The following PPP2R1A variants were observed in gnomAD, a reference collection of about 807,000 sequenced individuals.
PPP2R1A encodes protein phosphatase 2 scaffold subunit Aalpha.
PPP2R1A carries 15 observed loss-of-function variants against 67.1 expected under a neutral mutation model. The observed-to-expected ratio is 0.22, with a 90% CI of 0.15 to 0.34. The LOEUF (loss-of-function observed/expected upper bound fraction) is 0.34, where lower values mean the gene tolerates loss of function less well. Ranked by LOEUF, PPP2R1A falls within the 10% of genes least tolerant of loss-of-function variation. The probability of loss-of-function intolerance (pLI) is 1.00; values close to 1 mark genes in which losing one functional copy is unlikely to be tolerated. For synonymous variants in PPP2R1A, 337 were observed against 325.0 expected (o/e 1.04, Z -0.40); for missense variants, 369 against 775.0 (o/e 0.48, Z 6.22).
intron 13 of PPP2R1A, among the ~76,000 whole-genome samples, chr19:52,225,450 GTTTC>G (rs1979196639): frequency 1.3e-5 from 2 of 152,280 alleles, no homozygotes; most frequent in Non-Finnish European, 2.9e-5. Flanking sequence ...AATGTTTACT[GTTTC>G]TTTGTGATGA....
In PPP2R1A at chr19:52,211,385, G is replaced by C; in HGVS notation, c.396G>C (p.Val132=). 1 of 1,614,158 alleles carries C rather than the reference G, an allele frequency of 6.2e-7. No homozygotes were observed. The highest frequency in any genetic ancestry group is 8.5e-7 in the Non-Finnish European group (1 of 1,180,024). ...TGGAGGCGCACTTTGTGCCGCTAGT[G>C]AAGCGGCTGGCGGGCGGCGACTGGT... The part of the protein sequence containing the change: ...SDLEAHFVPL[V]KRLAGGDWFT... Residue 132 remains valine, a synonymous_variant, in exon 4 of 15, where the codon GTG becomes GTC. Coordinates refer to ENST00000322088, the MANE Select transcript of PPP2R1A (RefSeq NM_014225.6). This position sits in a 1 kb window ranked among gnomAD's most constrained non-coding sequence, Gnocchi z 5.3.
intron 3 of PPP2R1A, among the ~76,000 whole-genome samples, chr19:52,208,508 A>C (rs1015349131): frequency 2.9e-5 from 4 of 140,348 alleles, no homozygotes; most frequent in Admixed American, 7.3e-5. Flanking sequence ...TTTTATTTTT[A>C]TTTTTCTTTG....
intron 1 of PPP2R1A, among the ~76,000 whole-genome samples, chr19:52,200,799 C>T (rs963517484): frequency 6.7e-6 from 1 of 148,688 alleles, no homozygotes; most frequent in South Asian, 2.1e-4. Context: ...TCTTCACATG[C>T]GTGCCTTCCC....
At chr19:52,195,800 C>G (rs1193574339) in intron 1 of PPP2R1A, among the ~76,000 whole-genome samples, 1 of 152,126 alleles carries the variant, frequency 6.6e-6, no homozygotes, top group Non-Finnish European at 1.5e-5. Flanking sequence ...GCACCACCCT[C>G]CAGGAACCTC....
At position 52,213,298 on chromosome 19, in the gene PPP2R1A, A is replaced by G. The variant is rs993349493; in HGVS notation, c.807+188A>G. ...TCCTGGTTGATTGACATGGCATCTT[A>G]AAGTGCTGCCTTGAGAAAGATTCTG... On this transcript the variant is annotated intron_variant, in intron 6 of 14. Transcript: ENST00000322088. The surrounding 1 kb of genome is among the most constrained non-coding windows in gnomAD (Gnocchi z 4.2). 6.6e-6 allele frequency among the ~76,000 whole-genome samples: 1 copy of G among 151,948 alleles called. No individual in the cohort carries two copies.
rs542172819 is a variant in PPP2R1A, at chr19:52,218,256, C to T, written c.1129-1435C>T. 1.4e-4 allele frequency among the ~76,000 whole-genome samples: 22 copies of T among 152,218 alleles called. No homozygotes were observed. In the South Asian group the frequency reaches 2.1e-3, roughly 14 times the overall value. On this transcript the variant is annotated intron_variant, in intron 9 of 14. Coordinates refer to ENST00000322088, the MANE Select transcript of PPP2R1A (RefSeq NM_014225.6). ...TCTTTCTTTTTTATACACAGGCGCC[C>T]ACACAGTCTGCTAGAAAGTTGGAGG... is the stretch of plus-strand genomic sequence containing the variant.
intron 12 of PPP2R1A, among the ~76,000 whole-genome samples, chr19:52,221,718 A>G (rs898131325): frequency 2.7e-5 from 4 of 149,424 alleles, no homozygotes; most frequent in Non-Finnish European, 5.9e-5. Context: ...GATTATAATT[A>G]TCTCATGTAC....
At position 52,219,928 on chromosome 19, in the gene PPP2R1A, T is replaced by C; in HGVS notation, c.1302+64T>C. On this transcript the variant is annotated intron_variant, in intron 10 of 14. Coordinates refer to ENST00000322088, the MANE Select transcript of PPP2R1A (RefSeq NM_014225.6). The surrounding 1 kb of genome is among the most constrained non-coding windows in gnomAD (Gnocchi z 4.0). ...AGGGGAGGTGCAGTATGTCCAGGGC[T>C]GTGATGGGGAAACGGGGCTTTGAAG... is the stretch of plus-strand genomic sequence containing the variant. The C allele has an allele frequency of 2.0e-6, 3 of 1,529,780 alleles. No homozygotes were observed. The highest frequency in any genetic ancestry group is 1.8e-6 in the Non-Finnish European group (2 of 1,137,842). The allele number at this position is 1,529,780 out of a possible 1,614,324, so 94.8% of individuals were successfully genotyped here. A position where few individuals can be genotyped will look rare whatever the true frequency, so the allele number is the denominator to read the frequency against.
rs750914911 is a variant in PPP2R1A, at chr19:52,216,680, C to T, written c.1128+17C>T. On this transcript the variant is annotated intron_variant, in intron 9 of 14. Coordinates refer to ENST00000322088, the MANE Select transcript of PPP2R1A (RefSeq NM_014225.6). This position sits in a 1 kb window ranked among gnomAD's most constrained non-coding sequence, Gnocchi z 4.3. ...AAGGATGAGGTAAGGGCACCAGGATCTCAGCTCTGGGTTTGTGGAGGGGAC... is the reference window on the plus strand; with the variant it reads ...AAGGATGAGGTAAGGGCACCAGGATTTCAGCTCTGGGTTTGTGGAGGGGAC... 2 of 1,614,148 alleles carry T rather than the reference C, an allele frequency of 1.2e-6. No individual in the cohort carries two copies. The highest frequency in any genetic ancestry group is 4.5e-5 in the East Asian group (2 of 44,854).
In PPP2R1A at chr19:52,212,987, C is replaced by A. The variant is rs201531933; in HGVS notation, c.684C>A (p.Cys228Ter). 1 of 1,608,358 alleles carries A rather than the reference C, an allele frequency of 6.2e-7. No individual in the cohort carries two copies. The highest frequency in any genetic ancestry group is 8.5e-7 in the Non-Finnish European group (1 of 1,177,540). Residue 228 changes from cysteine (C) to a stop codon, truncating the protein, a stop_gained, in exon 6 of 15, where the codon TGC (cysteine) becomes TGA (stop). Coordinates refer to ENST00000322088, the MANE Select transcript of PPP2R1A (RefSeq NM_014225.6). LOFTEE classifies it high-confidence loss of function. The surrounding 1 kb of genome is among the most constrained non-coding windows in gnomAD (Gnocchi z 4.1). ...TGCGGCTGCTGGCGGTGGAGGCGTG[C>A]GTGAACATCGCCCAGCTTCTGCCCC... ...DSVRLLAVEA[C>*]VNIAQLLPQE...
chr19:52,194,551 C>T (rs926710529), intron 1 of PPP2R1A, among the ~76,000 whole-genome samples: 1 of 152,012 alleles, frequency 6.6e-6, no homozygotes, highest in Non-Finnish European at 1.5e-5. Flanking sequence ...CATTACAAAG[C>T]ACCCAGGACC....
chr19:52,207,792 C>T (rs759671949), intron 3 of PPP2R1A, among the ~76,000 whole-genome samples: 6 of 152,148 alleles, frequency 3.9e-5, no homozygotes, highest in Admixed American at 6.6e-5. Context: ...AGTCCAGATT[C>T]GATCCCAGGC....
chr19:52,211,745 A>G lies in PPP2R1A; in HGVS notation c.503+253A>G, dbSNP rs948460592. On this transcript the variant is annotated intron_variant, in intron 4 of 14. Coordinates refer to ENST00000322088, the MANE Select transcript of PPP2R1A (RefSeq NM_014225.6). The surrounding 1 kb of genome is among the most constrained non-coding windows in gnomAD (Gnocchi z 5.3). ...TGACAGGTCCTCCTTCCCACTGGTTAATGTGAGGATTTAAAAGAATTATCA... is the reference window on the plus strand; with the variant it reads ...TGACAGGTCCTCCTTCCCACTGGTTGATGTGAGGATTTAAAAGAATTATCA... 9.2e-6 allele frequency: 5 copies of G among 541,022 alleles called. No individual in the cohort carries two copies. In the African/African-American group the frequency reaches 9.5e-5, roughly 10 times the overall value. The allele number at this position is 541,022 out of a possible 1,614,324, so 33.5% of individuals were successfully genotyped here. A position where few individuals can be genotyped will look rare whatever the true frequency, so the allele number is the denominator to read the frequency against.
rs113355053 is a variant in PPP2R1A, at chr19:52,223,290, A to T, written c.1661+1049A>T. Among the ~76,000 whole-genome samples, 398 of 152,364 alleles carry T rather than the reference A, an allele frequency of 2.6e-3. 1 individual carries two copies. The highest frequency in any genetic ancestry group is 8.8e-3 in the African/African-American group (367 of 41,590). On this transcript the variant is annotated intron_variant, in intron 13 of 14. Transcript: ENST00000322088. The stretch of plus-strand genomic sequence containing the variant: ...GACAGACCAGAACCAGAAAGATTTT[A>T]AAAATAAAGGACCTAGAAGAAAATG...
intron 1 of PPP2R1A, chr19:52,191,492 C>G (rs774776278): frequency 6.6e-6 from 1 of 152,140 alleles, no homozygotes; most frequent in Admixed American, 6.5e-5. Flanking sequence ...GGTCTGTTTT[C>G]CCATTTATAA....
At chr19:52,201,412 G>C (rs1161329357) in intron 1 of PPP2R1A, 1 of 152,508 alleles carries the variant, frequency 6.6e-6, no homozygotes, top group Non-Finnish European at 1.5e-5. Flanking sequence ...TTTAAATCCT[G>C]CTCCATGTGA....
In PPP2R1A at chr19:52,226,332, G is replaced by T; in HGVS notation, c.*351G>T. 2.5e-6 allele frequency: 1 copy of T among 393,230 alleles called. No individual in the cohort carries two copies. The highest frequency in any genetic ancestry group is 6.8e-5 in the South Asian group (1 of 14,614). 24.4% of individuals were successfully genotyped at this position (393,230 alleles called of 1,614,324 possible). ...TCCACCTCCCGTCCTCCCCATCATTGGTTTTTTTTTGTGTGTCAACTGTGC... is the reference window on the plus strand; with the variant it reads ...TCCACCTCCCGTCCTCCCCATCATTTGTTTTTTTTTGTGTGTCAACTGTGC... On this transcript the variant is annotated 3_prime_UTR_variant, in exon 15 of 15. Coordinates refer to ENST00000322088, the MANE Select transcript of PPP2R1A (RefSeq NM_014225.6).
Position 52,201,938 on chromosome 19 carries a change from C to G in PPP2R1A, c.79-6C>G, listed in dbSNP as rs771822389. 1.7e-5 allele frequency: 28 copies of G among 1,613,610 alleles called. No individual in the cohort carries two copies. The South Asian group carries it at 3.1e-4, about 18-fold the overall frequency. Reference sequence around the variant, plus strand: ...TTCTCCCCTCCTCTTCTTGTTCTCTCATTAGCTTCGCCTCAACAGCATCAA... The same window carrying G: ...TTCTCCCCTCCTCTTCTTGTTCTCTGATTAGCTTCGCCTCAACAGCATCAA... On this transcript the variant is annotated splice_polypyrimidine_tract_variant and splice_region_variant and intron_variant, in intron 1 of 14. Coordinates refer to ENST00000322088, the MANE Select transcript of PPP2R1A (RefSeq NM_014225.6).
Position 52,226,204 on chromosome 19 carries a change from C to A in PPP2R1A, c.*223C>A. 1 of 653,510 alleles carries A rather than the reference C, an allele frequency of 1.5e-6. No individual in the cohort carries two copies. Among genetic ancestry groups the A allele is most frequent in the East Asian group, 2.8e-5 (1 of 36,204 alleles). 40.5% of individuals were successfully genotyped at this position (653,510 alleles called of 1,614,324 possible). A position where few individuals can be genotyped will look rare whatever the true frequency, so the allele number is the denominator to read the frequency against. ...AGCACGGGGTTGGACAGGACAGTGA[C>A]CTTGGGAGGAAGGGGCTACTCCGCC... On this transcript the variant is annotated 3_prime_UTR_variant, in exon 15 of 15. Transcript: ENST00000322088.
Sources: allele counts gnomAD v4.1 joint callset (sites outside exome capture counted in the v4.1 genomes callset), GRCh38; gene constraint gnomAD v4.1.1; non-coding constraint Gnocchi (gnomAD v3.1); transcripts MANE v1.5; gene names NCBI Gene and HGNC (gene_info 2026-07-23, HGNC 2026-07-21).